Variants in ASB2 observed in about 807,000 individuals in gnomAD.
ASB2 encodes ankyrin repeat and SOCS box containing 2.
Under a neutral mutation model 62.4 loss-of-function variants are expected in ASB2, and 58 were observed. The ratio of observed to expected loss-of-function variants is 0.93; its 90% CI spans 0.75 to 1.16. The LOEUF (loss-of-function observed/expected upper bound fraction) is 1.16, where lower values mean the gene tolerates loss of function less well. Among genes scored for constraint, ASB2 ranks in the 50% most tolerant of loss-of-function variants. ASB2 has a pLI of 0.00. For missense variants in ASB2, 928 were observed against 887.9 expected (o/e 1.05, Z -0.57); for synonymous variants, 386 against 385.3 (o/e 1.00, Z -0.02).
At chr14:93,938,308 C>T (rs1233175094) in intron 8 of ASB2, among the ~76,000 whole-genome samples, 2 of 141,542 alleles carry the variant, frequency 1.4e-5, no homozygotes, top group African/African-American at 2.7e-5. Context: ...GGCGCGATCT[C>T]GGCTCACTGC....
rs140911134 is a variant in ASB2 at position 93,954,165 on chromosome 14, G to A, written c.478+152C>T. 2.1e-3 allele frequency: 1,403 copies of A among 670,650 alleles called. 6 individuals carry two copies. The highest frequency in any genetic ancestry group is 0.012 in the Middle Eastern group (30 of 2,410). 41.5% of individuals were successfully genotyped at this position (670,650 alleles called of 1,614,324 possible). A position where few individuals can be genotyped will look rare whatever the true frequency, so the allele number is the denominator to read the frequency against. On this transcript the variant is annotated intron_variant, in intron 4 of 9. Transcript: ENST00000555019. ...GTGGGGACAACTCATTTCCCCTCTC[G>A]TAACTCCATGACTAACTGACAAATG... is the stretch of plus-strand genomic sequence containing the variant.
intron 2 of ASB2, among the ~76,000 whole-genome samples, chr14:93,963,924 T>C (rs1381464202): frequency 6.6e-6 from 1 of 152,158 alleles, no homozygotes; most frequent in Non-Finnish European, 1.5e-5. Context: ...ACAGGATGGC[T>C]CTGCTGGGCA....
intron 7 of ASB2, among the ~76,000 whole-genome samples, chr14:93,944,413 G>A (rs1888647075): frequency 6.6e-6 from 1 of 152,264 alleles, no homozygotes; most frequent in Non-Finnish European, 1.5e-5. Flanking sequence ...GGTTAAGTGT[G>A]CTGACGAGAA....
At chr14:93,954,881 A>T (rs560933892) in intron 3 of ASB2, among the ~76,000 whole-genome samples, 53 of 151,550 alleles carry the variant, frequency 3.5e-4, no homozygotes, top group South Asian at 1.3e-3. Flanking sequence ...GGGTCTTCCA[A>T]CTCCTCTCCT....
chr14:93,939,476 A>G lies in ASB2; in HGVS notation c.1249T>C (p.Phe417Leu), dbSNP rs573367480. Residue 417 changes from phenylalanine (F) to leucine (L), a missense_variant, in exon 8 of 10, where the codon TTC becomes CTC. Coordinates refer to ENST00000555019, the MANE Select transcript of ASB2 (RefSeq NM_001202429.2). ...YEDRRSSALYFAVVNNNVYAT... is the reference protein window; with the variant it reads ...YEDRRSSALYLAVVNNNVYAT... ...TACACGTTGTTGTTGACCACCGCGAAGTACAGCGCGGAGCTGCGCCGGTCT... is the reference window on the plus strand; with the variant it reads ...TACACGTTGTTGTTGACCACCGCGAGGTACAGCGCGGAGCTGCGCCGGTCT... 7.9e-5 allele frequency: 127 copies of G among 1,612,112 alleles called. No homozygotes were observed. The South Asian group carries it at 1.3e-3, about 17-fold the overall frequency.
chr14:93,960,136 T>C (rs1567029843), intron 2 of ASB2, among the ~76,000 whole-genome samples: 1 of 152,228 alleles, frequency 6.6e-6, no homozygotes, highest in African/African-American at 2.4e-5. Context: ...TGTAATTGGC[T>C]TCCTTTGCAA....
intron 7 of ASB2, chr14:93,941,324 G>C (rs1202310409): frequency 3.5e-6 from 1 of 289,380 alleles, no homozygotes; most frequent in Admixed American, 4.9e-5. Flanking sequence ...CCATTACAGG[G>C]GGTGGGGCGG....
At chr14:93,965,149 C>G (rs1889549418) in intron 1 of ASB2, among the ~76,000 whole-genome samples, 1 of 152,220 alleles carries the variant, frequency 6.6e-6, no homozygotes, top group Non-Finnish European at 1.5e-5. Context: ...CACCATACAT[C>G]CATCTATCCA....
At position 93,939,430 on chromosome 14, in the gene ASB2, T is replaced by C. The variant is rs1567019398; in HGVS notation, c.1295A>G (p.Gln432Arg). Residue 432 changes from glutamine (Q) to arginine (R), a missense_variant, in exon 8 of 10, where the codon CAA (glutamine) becomes CGA (arginine). Coordinates refer to ENST00000555019, the MANE Select transcript of ASB2 (RefSeq NM_001202429.2). ...NNVYATELLL[Q>R]HGADPNRDVI... ...GTCGCGGTTGGGGTCGGCGCCGTGT[T>C]GCAGCAGCAGCTCGGTGGCGTACAC... 1.2e-6 allele frequency: 2 copies of C among 1,612,782 alleles called. No homozygotes were observed. Among genetic ancestry groups the C allele is most frequent in the Non-Finnish European group, 8.5e-7 (1 of 1,179,832 alleles).
rs140899323 is a variant in ASB2 at position 93,951,137 on chromosome 14, G to A, written c.742C>T (p.Arg248Cys). ...ATCTGCATGACCTCCAGGTCATTGC[G>A]AGACACAGACTCGTGCAGAGCGGTC... ...GWTALHESVS[R>C]NDLEVMQILV... Residue 248 changes from arginine (R) to cysteine (C), a missense_variant, in exon 6 of 10, where the codon CGC (arginine) becomes TGC (cysteine). Arg to Cys is a radical substitution (Grantham distance 180, BLOSUM62 -3). Transcript: ENST00000555019. 1.7e-4 allele frequency: 270 copies of A among 1,614,194 alleles called. 1 individual carries two copies. Among genetic ancestry groups the A allele is most frequent in the African/African-American group, 1.0e-3 (75 of 75,066 alleles).
chr14:93,957,263 C>A (rs1217225281), intron 2 of ASB2: 6 of 1,160,962 alleles, frequency 5.2e-6, no homozygotes, highest in Non-Finnish European at 4.3e-6. Context: ...TCACTGCTGG[C>A]CAGGCAGATC....
intron 5 of ASB2, among the ~76,000 whole-genome samples, chr14:93,952,309 T>G (rs530710319): frequency 2.6e-5 from 4 of 152,218 alleles, no homozygotes; most frequent in Non-Finnish European, 4.4e-5. Flanking sequence ...GCTGCCCAGC[T>G]TCCTGGGCAC....
At chr14:93,974,411 C>T (rs1240586054) in intron 1 of ASB2, among the ~76,000 whole-genome samples, 1 of 152,254 alleles carries the variant, frequency 6.6e-6, no homozygotes, top group Non-Finnish European at 1.5e-5. Flanking sequence ...CCTGTGACAG[C>T]TGGCTCCTGT....
intron 2 of ASB2, among the ~76,000 whole-genome samples, chr14:93,959,529 A>G (rs1889337088): frequency 6.6e-6 from 1 of 152,178 alleles, no homozygotes; most frequent in African/African-American, 2.4e-5. Context: ...GGGAATTCCC[A>G]ACAGAGCAAA....
chr14:93,961,097 T>C (rs1889395394), intron 2 of ASB2, among the ~76,000 whole-genome samples: 1 of 152,150 alleles, frequency 6.6e-6, no homozygotes, highest in Admixed American at 6.5e-5. Flanking sequence ...GCAGAGGCCA[T>C]CATGAGATTG....
At chr14:93,943,993 G>A in intron 7 of ASB2, 1 of 456,112 alleles carries the variant, frequency 2.2e-6, no homozygotes, top group Non-Finnish European at 4.4e-6. Context: ...GCAGAAGTAA[G>A]GCCCAGAATG....
At chr14:93,956,635 G>A in intron 3 of ASB2, 131 bp downstream of exon 3, 1 of 1,236,166 alleles carries the variant, frequency 8.1e-7, no homozygotes, top group Non-Finnish European at 1.2e-6. Context: ...CCTAGAAGGA[G>A]CGTGCCTGGC....
intron 5 of ASB2, among the ~76,000 whole-genome samples, chr14:93,951,924 G>A (rs1888985530): frequency 6.6e-6 from 1 of 152,176 alleles, no homozygotes; most frequent in African/African-American, 2.4e-5. Context: ...TCTCTCTCTA[G>A]ACCCCAAACG....
chr14:93,934,866 G>T, intron 9 of ASB2, 74 bp from the exon 10 acceptor site: 1 of 1,294,654 alleles, frequency 7.7e-7, no homozygotes, highest in Non-Finnish European at 1.1e-6. Context: ...TGTGACCCCA[G>T]CCTATGGGAG....
Sources: gnomAD v4.1 joint callset for allele counts (sites outside exome capture counted in the v4.1 genomes callset) on GRCh38, gnomAD v4.1.1 for gene constraint, MANE v1.5 for transcripts, NCBI Gene and HGNC (gene_info 2026-07-23, HGNC 2026-07-21) for gene names.